Variants in GAN observed in about 807,000 individuals in gnomAD.
The protein encoded by GAN is epididymis secretory sperm binding protein.
Under a neutral mutation model 71.3 loss-of-function variants are expected in GAN, and 48 were observed. The observed-to-expected ratio is 0.67, with a 90% CI of 0.53 to 0.86. The LOEUF (loss-of-function observed/expected upper bound fraction) is 0.86, where lower values mean the gene tolerates loss of function less well. GAN is among the 40% of genes least tolerant of loss of function. The pLI is 0.00. For missense variants in GAN, 928 were observed against 770.1 expected, an observed-to-expected ratio of 1.21 and a Z score of -2.43; for synonymous variants, 386 against 276.8, an observed-to-expected ratio of 1.39 and a Z score of -3.92.
At chr16:81,342,562 AAAG>A (rs1909980305) in intron 1 of GAN, among the ~76,000 whole-genome samples, 1 of 152,218 alleles carries the variant, frequency 6.6e-6, no homozygotes, top group Admixed American at 6.5e-5. Context: ...AGGCAGAAAT[AAAG>A]ATTTTCTTTG....
intron 3 of GAN, among the ~76,000 whole-genome samples, chr16:81,355,699 A>C (rs1449328699): frequency 6.6e-6 from 1 of 152,230 alleles, no homozygotes; most frequent in East Asian, 1.9e-4. Flanking sequence ...TATAAATAAG[A>C]CACTAGCTCC....
intron 9 of GAN, among the ~76,000 whole-genome samples, chr16:81,368,297 T>G (rs1910927045): frequency 6.6e-6 from 1 of 152,226 alleles, no homozygotes; most frequent in Non-Finnish European, 1.5e-5. Context: ...CAGTCATCCA[T>G]GTTCAAAAAA....
At chr16:81,363,189 C>A (rs1910736652) in intron 6 of GAN, among the ~76,000 whole-genome samples, 1 of 152,250 alleles carries the variant, frequency 6.6e-6, no homozygotes, top group Admixed American at 6.5e-5. Context: ...ATAGTTTATA[C>A]TAGCCTTTCC....
intron 1 of GAN, among the ~76,000 whole-genome samples, chr16:81,321,663 G>A (rs992619292): frequency 2.0e-5 from 3 of 152,180 alleles, no homozygotes; most frequent in Admixed American, 1.3e-4. Context: ...GGACAAATAA[G>A]GGTTCATTTG....
At position 81,378,865 on chromosome 16, in the gene GAN, G is replaced by A. The variant is rs1000775660; in HGVS notation, c.*1269G>A. ...TCTCATTGGGGGAAAAATGTCTTTC[G>A]TTCGTGGAACGTATCTTGTAAGATA... is the stretch of plus-strand genomic sequence containing the variant. On this transcript the variant is annotated 3_prime_UTR_variant, in exon 11 of 11. Coordinates refer to ENST00000648994, the MANE Select transcript of GAN (RefSeq NM_022041.4). 7.9e-5 allele frequency: 12 copies of A among 152,416 alleles called. No homozygotes were observed. The highest frequency in any genetic ancestry group is 1.7e-4 in the African/African-American group (7 of 41,376). 9.4% of individuals were successfully genotyped at this position (152,416 alleles called of 1,614,324 possible). A position where few individuals can be genotyped will look rare whatever the true frequency, so the allele number is the denominator to read the frequency against.
intron 1 of GAN, among the ~76,000 whole-genome samples, chr16:81,319,275 C>T (rs1226724229): frequency 3.8e-4 from 57 of 149,412 alleles, no homozygotes; most frequent in Non-Finnish European, 3.8e-4. Context: ...TCATAAGCAC[C>T]CACAGAGCCT....
chr16:81,326,241 G>T lies in GAN; in HGVS notation c.167+10961G>T, dbSNP rs562412411. Among the ~76,000 whole-genome samples the T allele has an allele frequency of 1.3e-4, 20 of 152,264 alleles. No individual in the cohort carries two copies. The South Asian group carries it at 4.1e-3, about 32-fold the overall frequency. ...ATACGTAAGATAATTGAGTTGGTTGGGTGCCGTGGCTCAAGCCTATAATCC... is the reference window on the plus strand; with the variant it reads ...ATACGTAAGATAATTGAGTTGGTTGTGTGCCGTGGCTCAAGCCTATAATCC... On this transcript the variant is annotated intron_variant, in intron 1 of 10. Coordinates refer to ENST00000648994, the MANE Select transcript of GAN (RefSeq NM_022041.4).
At chr16:81,356,292 A>T (rs999258020) in intron 3 of GAN, among the ~76,000 whole-genome samples, 2 of 152,234 alleles carry the variant, frequency 1.3e-5, no homozygotes, top group Non-Finnish European at 2.9e-5. Flanking sequence ...ATTACTGCAA[A>T]AATGATTATA....
chr16:81,376,232 A>T (rs1353028916), intron 9 of GAN, among the ~76,000 whole-genome samples: 1 of 152,008 alleles, frequency 6.6e-6, no homozygotes, highest in Non-Finnish European at 1.5e-5. Context: ...ATAGCCCAGC[A>T]ATTTCATAAG....
At chr16:81,367,710 A>G (rs1910906222) in intron 9 of GAN, among the ~76,000 whole-genome samples, 1 of 152,232 alleles carries the variant, frequency 6.6e-6, no homozygotes, top group Non-Finnish European at 1.5e-5. Flanking sequence ...TTTAATCTTC[A>G]AAACAGCACT....
chr16:81,346,196 T>A (rs1028132129), intron 1 of GAN, among the ~76,000 whole-genome samples: 2 of 152,202 alleles, frequency 1.3e-5, no homozygotes, highest in Non-Finnish European at 2.9e-5. Context: ...AAAGAATTAT[T>A]AACTACAGCA....
intron 9 of GAN, among the ~76,000 whole-genome samples, chr16:81,374,729 C>G (rs1904275804): frequency 6.6e-6 from 1 of 152,222 alleles, no homozygotes; most frequent in Non-Finnish European, 1.5e-5. Flanking sequence ...CACTTCCTAT[C>G]TGGCACGACA....
chr16:81,316,351 C>G (rs1909040039), intron 1 of GAN, among the ~76,000 whole-genome samples: 1 of 15,510 alleles, frequency 6.4e-5, no homozygotes, highest in African/African-American at 1.6e-4. Flanking sequence ...ACCACGCACG[C>G]TACACTTTTA....
intron 1 of GAN, among the ~76,000 whole-genome samples, chr16:81,316,451 A>G (rs1390470981): frequency 3.3e-5 from 4 of 122,774 alleles, no homozygotes; most frequent in African/African-American, 1.2e-4. Context: ...TGTTTTGTGA[A>G]TCCATTTGCG....
chr16:81,338,698 G>A (rs929756854), intron 1 of GAN, among the ~76,000 whole-genome samples: 8 of 152,224 alleles, frequency 5.3e-5, no homozygotes, highest in African/African-American at 1.2e-4. Context: ...AGACAAGTTT[G>A]TGTAGTTACT....
At chr16:81,350,853 T>C (rs1910277632) in intron 1 of GAN, among the ~76,000 whole-genome samples, 1 of 152,204 alleles carries the variant, frequency 6.6e-6, no homozygotes, top group East Asian at 1.9e-4. Context: ...AAGAGTCATA[T>C]GCAATAATAG....
At chr16:81,347,492 C>G (rs562588929) in intron 1 of GAN, among the ~76,000 whole-genome samples, 1 of 152,228 alleles carries the variant, frequency 6.6e-6, no homozygotes, top group Non-Finnish European at 1.5e-5. Flanking sequence ...TGGATTGCAT[C>G]TTGTTAGTAT....
At chr16:81,364,840 G>A (rs930185165) in intron 7 of GAN, 134 bp from the exon 8 acceptor site, 2 of 858,644 alleles carry the variant, frequency 2.3e-6, no homozygotes, top group Non-Finnish European at 4.0e-6. Flanking sequence ...ATACTGAAAA[G>A]CACCATCGTT....
rs1268410287 is a variant in GAN at position 81,356,874 on chromosome 16, A to T, written c.723A>T (p.Val241=). Residue 241 remains valine, a synonymous_variant, in exon 4 of 11, where the codon GTA becomes GTT. Coordinates refer to ENST00000648994, the MANE Select transcript of GAN (RefSeq NM_022041.4). ...AACAGATGCTGAATGAACCATTAGT[A>T]CGAGAAATTGTCAAAGAGTGTAGCA... The part of the protein sequence containing the change: ...LREQMLNEPL[V]REIVKECSNI... 5.6e-6 allele frequency: 9 copies of T among 1,613,774 alleles called. No individual in the cohort carries two copies. The highest frequency in any genetic ancestry group is 7.6e-6 in the Non-Finnish European group (9 of 1,179,686).
Sources: allele counts gnomAD v4.1 joint callset (sites outside exome capture counted in the v4.1 genomes callset), GRCh38; gene constraint gnomAD v4.1.1; transcripts MANE v1.5; gene names NCBI Gene and HGNC (gene_info 2026-07-23, HGNC 2026-07-21).